The following BRAF variants were observed in gnomAD, a reference collection of about 807,000 sequenced individuals.
BRAF encodes the protein B-Raf proto-oncogene, serine/threonine kinase.
A neutral mutation model predicts 104.6 loss-of-function variants in BRAF; 16 were observed. That is an observed-to-expected ratio of 0.15 (90% confidence interval 0.10 to 0.23). BRAF has a LOEUF of 0.23. BRAF is among the 10% of genes least tolerant of loss of function. The pLI is 1.00. For synonymous variants in BRAF, 310 were observed against 341.6 expected, an observed-to-expected ratio of 0.91 and a Z score of 1.02; for missense variants, 541 against 937.3, an observed-to-expected ratio of 0.58 and a Z score of 5.52.
chr7:140,790,399 C>T (rs1801833365), intron 8 of BRAF, among the ~76,000 whole-genome samples: 1 of 152,248 alleles, frequency 6.6e-6, no homozygotes, highest in Middle Eastern at 3.4e-3. Context: ...ACTTTTTTCC[C>T]ACTCTTTTGT....
At chr7:140,747,037 G>A (rs1797412050) in intron 17 of BRAF, among the ~76,000 whole-genome samples, 1 of 151,948 alleles carries the variant, frequency 6.6e-6, no homozygotes, top group African/African-American at 2.4e-5. Flanking sequence ...GAATATTCCT[G>A]GATTCTTAAA....
intron 1 of BRAF, among the ~76,000 whole-genome samples, chr7:140,907,959 G>A (rs1373078900): frequency 6.6e-6 from 1 of 151,624 alleles, no homozygotes; most frequent in Admixed American, 6.6e-5. Flanking sequence ...TGGCCAGGCT[G>A]GTCTTGAACT....
rs990538357 is a variant in BRAF, at chr7:140,793,891, G to A, written c.1140+417C>T. On this transcript the variant is annotated intron_variant, in intron 8 of 19. Transcript: ENST00000644969. ...TCCACCCATCTTGGCCTCCCAAAGT[G>A]TTGGGATTACAGGCATGAGCCACTA... 8.5e-5 allele frequency among the ~76,000 whole-genome samples: 13 copies of A among 152,320 alleles called. No homozygotes were observed. The South Asian group carries it at 2.3e-3, about 27-fold the overall frequency.
chr7:140,878,270 C>A (rs7791924), intron 1 of BRAF, among the ~76,000 whole-genome samples: 45,213 of 151,806 alleles, frequency 0.3, 10,781 homozygotes, highest in African/African-American at 0.66. Flanking sequence ...ATTTTAAAAA[C>A]CCTCAAAATG....
intron 8 of BRAF, among the ~76,000 whole-genome samples, chr7:140,793,699 C>T (rs1802220175): frequency 6.6e-6 from 1 of 152,122 alleles, no homozygotes; most frequent in South Asian, 2.1e-4. Context: ...AAACATAGCT[C>T]ACTGCAGCCT....
At chr7:140,875,687 T>A (rs767164494) in intron 1 of BRAF, among the ~76,000 whole-genome samples, 9 of 152,134 alleles carry the variant, frequency 5.9e-5, no homozygotes, top group Non-Finnish European at 1.3e-4. Context: ...CTAAAAATTA[T>A]CTTGAAAACA....
At chr7:140,743,438 C>T (rs201973318) in intron 17 of BRAF, among the ~76,000 whole-genome samples, 2 of 152,038 alleles carry the variant, frequency 1.3e-5, no homozygotes, top group African/African-American at 4.8e-5. Flanking sequence ...ATGGATGAAA[C>T]TGGAAATCAT....
chr7:140,904,385 TTA>T (rs1227043574), intron 1 of BRAF, among the ~76,000 whole-genome samples: 1 of 151,132 alleles, frequency 6.6e-6, no homozygotes, highest in Non-Finnish European at 1.5e-5. Context: ...TCCAGCTCAG[TTA>T]TTTTTTTTTT....
chr7:140,724,384 A>G lies in BRAF; in HGVS notation c.*2110T>C. 4 of 1,055,392 alleles carry G rather than the reference A, an allele frequency of 3.8e-6. No homozygotes were observed. Among genetic ancestry groups the G allele is most frequent in the Non-Finnish European group, 4.6e-6 (4 of 873,068 alleles). The allele number at this position is 1,055,392 out of a possible 1,614,324, so 65.4% of individuals were successfully genotyped here. On this transcript the variant is annotated 3_prime_UTR_variant, in exon 20 of 20. Transcript: ENST00000644969. ...GCATCTAGAGATATATTTAAAAAGA[A>G]AAAACAGCCAATGCTTTTCAAGAGA...
At chr7:140,776,884 T>C in intron 14 of BRAF, 28 bp downstream of exon 13, 3 of 1,601,464 alleles carry the variant, frequency 1.9e-6, no homozygotes, top group Non-Finnish European at 2.6e-6. Context: ...AAAAATAATT[T>C]ACAAGACATT....
rs1462669487 is a variant in BRAF, at chr7:140,831,053, T to C, written c.504+3556A>G. 3.3e-5 allele frequency among the ~76,000 whole-genome samples: 5 copies of C among 152,206 alleles called. No homozygotes were observed. In the East Asian group the frequency reaches 9.6e-4, roughly 29 times the overall value. On this transcript the variant is annotated intron_variant, in intron 3 of 19. Transcript: ENST00000644969. ...CTAGCATCTCAAGAGGGGGACAGTC[T>C]TGTGGGACTGAGCTCTTAACCTGTG...
chr7:140,801,349 T>C lies in BRAF; in HGVS notation c.860+63A>G, dbSNP rs1803091274. The C allele has an allele frequency of 2.5e-6, 4 of 1,576,232 alleles. No individual in the cohort carries two copies. In the East Asian group the frequency reaches 9.0e-5, roughly 35 times the overall value. ...TCACAGACTTTTAGACATCGTAGCTTCACATTAAGAAAATTTAAGTGTAAA... is the reference window on the plus strand; with the variant it reads ...TCACAGACTTTTAGACATCGTAGCTCCACATTAAGAAAATTTAAGTGTAAA... On this transcript the variant is annotated intron_variant, in intron 6 of 19. Coordinates refer to ENST00000644969, the MANE Select transcript of BRAF (RefSeq NM_001374258.1).
chr7:140,778,662 C>A (rs1230930640), intron 12 of BRAF, among the ~76,000 whole-genome samples: 1 of 151,328 alleles, frequency 6.6e-6, no homozygotes, highest in Non-Finnish European at 1.5e-5. Flanking sequence ...CTAACCTGCA[C>A]ACTTTGCACA....
chr7:140,844,032 A>C (rs556581995), intron 2 of BRAF, among the ~76,000 whole-genome samples: 30 of 152,064 alleles, frequency 2.0e-4, no homozygotes, highest in African/African-American at 6.7e-4. Flanking sequence ...TAATAATAAA[A>C]ATTAAAAAAT....
At chr7:140,736,133 C>T (rs1336013988) in intron 18 of BRAF, among the ~76,000 whole-genome samples, 10 of 149,580 alleles carry the variant, frequency 6.7e-5, no homozygotes, top group African/African-American at 2.2e-4. Flanking sequence ...TGCAGTGGCG[C>T]GATCTCAGCT....
intron 3 of BRAF, among the ~76,000 whole-genome samples, chr7:140,814,077 G>A (rs1038620318): frequency 6.6e-6 from 1 of 152,048 alleles, no homozygotes; most frequent in Admixed American, 6.5e-5. Context: ...CTAAAAAGAG[G>A]TATTTTTGTA....
At chr7:140,878,348 C>T (rs1248816650) in intron 1 of BRAF, among the ~76,000 whole-genome samples, 1 of 151,654 alleles carries the variant, frequency 6.6e-6, no homozygotes, top group Non-Finnish European at 1.5e-5. Context: ...TCTTAATGAC[C>T]TTGGATTTAG....
At chr7:140,734,797 G>GAAAAAAAAAAAAAAAAAGA (rs60814637) in intron 18 of BRAF, 27 bp from the exon 18 acceptor site, 8 of 1,130,042 alleles carry the variant, frequency 7.1e-6, no homozygotes, top group Non-Finnish European at 5.8e-6. Context: ...AAAAAAAAAA[G>GAAAAAAAAAAAAAAAAAGA]AAAAAAAAAG....
intron 3 of BRAF, among the ~76,000 whole-genome samples, chr7:140,833,062 G>A (rs964007573): frequency 1.3e-5 from 2 of 152,018 alleles, no homozygotes; most frequent in African/African-American, 2.4e-5. Flanking sequence ...TTTTAGTAGA[G>A]CCAAGGTTTC....
Sources: gnomAD v4.1 joint callset for allele counts (sites outside exome capture counted in the v4.1 genomes callset) on GRCh38, gnomAD v4.1.1 for gene constraint, MANE v1.5 for transcripts, NCBI Gene and HGNC (gene_info 2026-07-23, HGNC 2026-07-21) for gene names.